Variants in ARHGAP23 observed in about 807,000 individuals in gnomAD.
ARHGAP23 encodes rho GTPase-activating protein 23.
A neutral mutation model predicts 136.3 loss-of-function variants in ARHGAP23; 34 were observed. The ratio of observed to expected loss-of-function variants is 0.25; its 90% confidence interval spans 0.19 to 0.33. ARHGAP23 has a LOEUF of 0.33. Ranked by LOEUF, ARHGAP23 falls within the 10% of genes least tolerant of loss-of-function variation. ARHGAP23 has a pLI of 1.00. For missense variants in ARHGAP23, 1,808 were observed against 2,139.0 expected (o/e 0.85, Z 3.05); for synonymous variants, 832 against 920.5 (o/e 0.90, Z 1.74).
intron 1 of ARHGAP23, among the ~76,000 whole-genome samples, chr17:38,437,567 T>C (rs1225892254): frequency 3.3e-5 from 5 of 151,922 alleles, no homozygotes; most frequent in Admixed American, 2.6e-4. Context: ...CAGTGAGCTA[T>C]GATTGCACTG....
At chr17:38,444,683 T>A (rs967404830) in intron 1 of ARHGAP23, among the ~76,000 whole-genome samples, 1 of 152,048 alleles carries the variant, frequency 6.6e-6, no homozygotes, top group Non-Finnish European at 1.5e-5. Flanking sequence ...GTAGAGACTC[T>A]GAGGAGGTGC....
At chr17:38,503,979 C>G (rs2040575467) in intron 23 of ARHGAP23, among the ~76,000 whole-genome samples, 2 of 152,120 alleles carry the variant, frequency 1.3e-5, no homozygotes, top group African/African-American at 4.8e-5. Flanking sequence ...TACGGAAGAC[C>G]CTTGAATTTT....
chr17:38,501,986 T>A (rs1037939668), intron 23 of ARHGAP23, among the ~76,000 whole-genome samples: 1 of 152,092 alleles, frequency 6.6e-6, no homozygotes, highest in African/African-American at 2.4e-5. Context: ...TAAGAAATAA[T>A]ACCAATTCTC....
At chr17:38,493,392 A>G (rs1297143964) in intron 20 of ARHGAP23, among the ~76,000 whole-genome samples, 1 of 151,710 alleles carries the variant, frequency 6.6e-6, no homozygotes, top group African/African-American at 2.4e-5. Flanking sequence ...AGGTCTTACT[A>G]TGTTGCCAGG....
chr17:38,467,369 G>C, intron 7 of ARHGAP23, 38 bp downstream of exon 7: 1 of 1,448,874 alleles, frequency 6.9e-7, no homozygotes, highest in Non-Finnish European at 9.1e-7. Context: ...GGGGGACTTA[G>C]CTGTCGGCTG....
upstream of ARHGAP23, among the ~76,000 whole-genome samples, chr17:38,424,414 G>T (rs192662735): frequency 1.3e-5 from 2 of 152,096 alleles, no homozygotes; most frequent in African/African-American, 4.8e-5. Flanking sequence ...CCTCCCTGGG[G>T]CCCCTCCTCC....
chr17:38,422,751 A>G (rs1195300067), intron 1 of ARHGAP23, among the ~76,000 whole-genome samples: 2 of 152,174 alleles, frequency 1.3e-5, no homozygotes, highest in African/African-American at 4.8e-5. Flanking sequence ...ATGGGTCTTC[A>G]GCCTCCCTCC....
Position 38,491,515 on chromosome 17 carries a change from G to A in ARHGAP23, c.3259G>A (p.Glu1087Lys). 6.5e-7 allele frequency: 1 copy of A among 1,549,572 alleles called. No homozygotes were observed. The highest frequency in any genetic ancestry group is 8.7e-7 in the Non-Finnish European group (1 of 1,146,824). ...THMPDRYKIVETLIQHSDWFF... is the reference protein window; with the variant it reads ...THMPDRYKIVKTLIQHSDWFF... ...CATGCCTGACCGCTACAAGATCGTGGAGACACTGATCCAGCACGTAAGCCC... is the reference window on the plus strand; with the variant it reads ...CATGCCTGACCGCTACAAGATCGTGAAGACACTGATCCAGCACGTAAGCCC... The change falls in exon 20 of 24, where the codon GAG (glutamate) becomes AAG (lysine). Residue 1087 changes from glutamate to lysine, a missense_variant. Around this residue, in one of 7 missense-constraint regions of ARHGAP23, gnomAD observed 22 missense variants for 67.5 expected, o/e 0.33. Transcript: ENST00000622683.
intron 14 of ARHGAP23, among the ~76,000 whole-genome samples, chr17:38,481,169 C>T (rs1052953847): frequency 4.1e-5 from 6 of 145,904 alleles, no homozygotes; most frequent in African/African-American, 7.6e-5. Flanking sequence ...TTTTTTGAGA[C>T]GGAGTCTCGC....
chr17:38,473,410 T>TTTC (rs1187891677), intron 11 of ARHGAP23, among the ~76,000 whole-genome samples: 5 of 152,178 alleles, frequency 3.3e-5, no homozygotes, highest in Non-Finnish European at 7.3e-5. Context: ...TGAGCCTCAC[T>TTTC]TTCTGATCTG....
intron 1 of ARHGAP23, among the ~76,000 whole-genome samples, chr17:38,421,869 CCT>C (rs2038523811): frequency 6.6e-6 from 1 of 152,218 alleles, no homozygotes; most frequent in Non-Finnish European, 1.5e-5. Context: ...CCCTTTGCTT[CCT>C]CTCTCTTCCC....
intron 1 of ARHGAP23, 200 bp from the exon 2 acceptor site, chr17:38,457,902 G>A: frequency 1.6e-6 from 1 of 626,766 alleles, no homozygotes; most frequent in South Asian, 2.0e-5. Context: ...AGGAAAGAAG[G>A]AAAAAGCTAT....
At chr17:38,490,774 AC>A (rs925028736) in intron 19 of ARHGAP23, among the ~76,000 whole-genome samples, 9 of 152,020 alleles carry the variant, frequency 5.9e-5, no homozygotes, top group African/African-American at 2.2e-4. Context: ...GAGGCAGGGA[AC>A]CCCGGCCCCC....
At chr17:38,502,094 A>G (rs2040534817) in intron 23 of ARHGAP23, among the ~76,000 whole-genome samples, 1 of 152,182 alleles carries the variant, frequency 6.6e-6, no homozygotes, top group African/African-American at 2.4e-5. Flanking sequence ...TCTTGAGATC[A>G]AGAGTTAAAG....
intron 11 of ARHGAP23, among the ~76,000 whole-genome samples, chr17:38,473,017 A>G (rs1033621881): frequency 1.3e-5 from 2 of 150,232 alleles, no homozygotes; most frequent in Admixed American, 1.3e-4. Context: ...GCTCACTACA[A>G]CCTCCACCTC....
Position 38,461,486 on chromosome 17 carries a change from TCTCTGGCAGCCTTCCTG to T in ARHGAP23, c.253+560_253+576del, listed in dbSNP as rs1239093288. ...CCAGGTTATTCAAGGCAGAGTGCCT[TCTCTGGCAGCCTTCCTG>T]CTCTGCCACTGGGGCTTTCGCTGGG... is the stretch of plus-strand genomic sequence containing the variant. On this transcript the variant is annotated intron_variant, in intron 3 of 23. Transcript: ENST00000622683. Among the ~76,000 whole-genome samples, 4 of 152,314 alleles carry T rather than the reference TCTCTGGCAGCCTTCCTG, an allele frequency of 2.6e-5. No homozygotes were observed. The East Asian group carries it at 5.8e-4, about 22-fold the overall frequency.
chr17:38,504,929 G>A (rs1424682030), intron 23 of ARHGAP23, among the ~76,000 whole-genome samples: 11 of 144,090 alleles, frequency 7.6e-5, no homozygotes, highest in African/African-American at 1.3e-4. Flanking sequence ...TCTCAGCTCC[G>A]TGGTGGGTGG....
chr17:38,448,585 C>T (rs953238253), intron 1 of ARHGAP23, among the ~76,000 whole-genome samples: 4 of 151,270 alleles, frequency 2.6e-5, no homozygotes, highest in African/African-American at 9.7e-5. Flanking sequence ...CTCCAGAGGA[C>T]TCCAGATCCC....
intron 20 of ARHGAP23, among the ~76,000 whole-genome samples, chr17:38,497,532 C>T (rs1360216754): frequency 6.6e-6 from 1 of 152,226 alleles, no homozygotes; most frequent in South Asian, 2.1e-4. Flanking sequence ...GGTGAATGCT[C>T]CCACTCCCTG....
Sources: gnomAD v4.1 joint callset for allele counts (sites outside exome capture counted in the v4.1 genomes callset) on GRCh38, gnomAD v4.1.1 for gene constraint, gnomAD v4.1.1 regional missense constraint, MANE v1.5 for transcripts, NCBI Gene and HGNC (gene_info 2026-07-23, HGNC 2026-07-21) for gene names.